METTL15: variants seen among roughly 807,000 people sequenced by gnomAD.
METTL15 encodes the protein 12S rRNA N(4)-cytidine methyltransferase METTL15.
Under a neutral mutation model 38.3 loss-of-function variants are expected in METTL15, and 34 were observed. The ratio of observed to expected loss-of-function variants is 0.89; its 90% CI spans 0.68 to 1.18. METTL15 has a LOEUF of 1.18. Among genes scored for constraint, METTL15 ranks in the 50% most tolerant of loss-of-function variants. The pLI is 0.00. For synonymous variants in METTL15, 162 were observed against 170.9 expected (o/e 0.95, Z 0.41); for missense variants, 438 against 498.4 (o/e 0.88, Z 1.15).
chr11:28,486,124 G>T (rs527992860), intron 6 of METTL15, among the ~76,000 whole-genome samples: 1 of 152,288 alleles, frequency 6.6e-6, no homozygotes, highest in Admixed American at 6.5e-5. Context: ...ATCAATTTTA[G>T]TTGATAGATG....
At chr11:28,410,342 T>C (rs1196264802) in intron 5 of METTL15, among the ~76,000 whole-genome samples, 1 of 152,098 alleles carries the variant, frequency 6.6e-6, no homozygotes, top group Non-Finnish European at 1.5e-5. Flanking sequence ...GTGGCCAATA[T>C]TTCTAATGAA....
At chr11:28,115,335 C>T (rs925319173) in intron 3 of METTL15, among the ~76,000 whole-genome samples, 3 of 151,742 alleles carry the variant, frequency 2.0e-5, no homozygotes, top group Admixed American at 6.6e-5. Context: ...CTTGGCCCAC[C>T]GCAACCTCTG....
intron 6 of METTL15, among the ~76,000 whole-genome samples, chr11:28,430,548 T>G (rs1239854094): frequency 3.7e-4 from 6 of 16,112 alleles, no homozygotes; most frequent in African/African-American, 4.8e-4. Context: ...GGGAGGGAGG[T>G]GGGGGGGTCA....
At chr11:28,211,793 T>G (rs1852653577) in intron 4 of METTL15, among the ~76,000 whole-genome samples, 2 of 152,074 alleles carry the variant, frequency 1.3e-5, no homozygotes, top group Non-Finnish European at 2.9e-5. Flanking sequence ...GTATGTTGTT[T>G]AAAGCCATCA....
chr11:28,343,063 A>G (rs759459513), intron 3 of METTL15, among the ~76,000 whole-genome samples: 12 of 152,168 alleles, frequency 7.9e-5, no homozygotes, highest in East Asian at 1.9e-4. Flanking sequence ...TTGGATGACA[A>G]TGTACTTCTA....
At chr11:28,305,135 A>G (rs1476752303) in intron 6 of METTL15, among the ~76,000 whole-genome samples, 1 of 152,196 alleles carries the variant, frequency 6.6e-6, no homozygotes, top group African/African-American at 2.4e-5. Context: ...CTTATGTTTT[A>G]TTTCTTATTT....
At chr11:28,404,623 T>C (rs965384141) in intron 5 of METTL15, among the ~76,000 whole-genome samples, 45 of 152,060 alleles carry the variant, frequency 3.0e-4, no homozygotes, top group African/African-American at 1.0e-3. Flanking sequence ...TTTCAACATA[T>C]GCATTTTGAG....
chr11:28,423,999 CT>C (rs199961958), intron 5 of METTL15, among the ~76,000 whole-genome samples: 1 of 152,084 alleles, frequency 6.6e-6, no homozygotes, highest in African/African-American at 2.4e-5. Context: ...ACTCATAAAA[CT>C]TTTTTTTAAA....
intron 6 of METTL15, among the ~76,000 whole-genome samples, chr11:28,465,656 A>G (rs1564939040): frequency 1.3e-5 from 2 of 152,160 alleles, no homozygotes; most frequent in African/African-American, 4.8e-5. Context: ...TGTATCCCCC[A>G]GCCCCAGATG....
intron 6 of METTL15, among the ~76,000 whole-genome samples, chr11:28,321,792 C>A (rs1310621926): frequency 6.6e-6 from 1 of 151,686 alleles, no homozygotes; most frequent in Non-Finnish European, 1.5e-5. Context: ...CACCTGATAG[C>A]AAAACTTACT....
intron 5 of METTL15, among the ~76,000 whole-genome samples, chr11:28,397,513 G>A (rs1344909599): frequency 6.6e-6 from 1 of 152,104 alleles, no homozygotes; most frequent in Admixed American, 6.6e-5. Flanking sequence ...GGCCATCAGA[G>A]AAATGCAAAT....
At chr11:28,450,789 C>T (rs1005677227) in intron 6 of METTL15, among the ~76,000 whole-genome samples, 1 of 152,130 alleles carries the variant, frequency 6.6e-6, no homozygotes, top group East Asian at 1.9e-4. Context: ...CAAAGGCAAT[C>T]GTAATCCTGA....
At chr11:28,253,361 A>G (rs1280030055) in intron 4 of METTL15, among the ~76,000 whole-genome samples, 1 of 152,196 alleles carries the variant, frequency 6.6e-6, no homozygotes, top group Non-Finnish European at 1.5e-5. Flanking sequence ...TATGAAGCAC[A>G]TGAGATGTTT....
At chr11:28,170,002 G>A (rs940675157) in intron 3 of METTL15, among the ~76,000 whole-genome samples, 2 of 152,148 alleles carry the variant, frequency 1.3e-5, no homozygotes, top group African/African-American at 4.8e-5. Flanking sequence ...TCTGGTGTGG[G>A]GGGTAGGATG....
chr11:28,350,784 G>A (rs1442768514), intron 3 of METTL15, among the ~76,000 whole-genome samples: 2 of 152,188 alleles, frequency 1.3e-5, no homozygotes, highest in Non-Finnish European at 2.9e-5. Context: ...AAAAATCTCT[G>A]TCCCTAAGAG....
At chr11:28,284,267 A>G (rs1014175741) in intron 4 of METTL15, among the ~76,000 whole-genome samples, 2 of 152,164 alleles carry the variant, frequency 1.3e-5, no homozygotes, top group African/African-American at 4.8e-5. Context: ...TGATTATTAC[A>G]TCTTTGTTAT....
At chr11:28,176,970 A>T (rs1449711302) in intron 3 of METTL15, among the ~76,000 whole-genome samples, 2 of 152,092 alleles carry the variant, frequency 1.3e-5, no homozygotes, top group African/African-American at 2.4e-5. Context: ...TTCAAAATTG[A>T]GAAGGCATAA....
chr11:28,172,103 G>A (rs1385147450), intron 3 of METTL15, among the ~76,000 whole-genome samples: 2 of 151,934 alleles, frequency 1.3e-5, no homozygotes, highest in African/African-American at 4.8e-5. Context: ...ACCTGGCCAT[G>A]TTTTCTTAAT....
At chr11:28,189,646 A>G (rs1330315889) in intron 3 of METTL15, among the ~76,000 whole-genome samples, 1 of 151,246 alleles carries the variant, frequency 6.6e-6, no homozygotes, top group Non-Finnish European at 1.5e-5. Context: ...TACTTTATCA[A>G]TTGAAATTTA....
Sources: gnomAD v4.1 joint callset for allele counts (sites outside exome capture counted in the v4.1 genomes callset) on GRCh38, gnomAD v4.1.1 for gene constraint, MANE v1.5 for transcripts, NCBI Gene and HGNC (gene_info 2026-07-23, HGNC 2026-07-21) for gene names.